VPS13B: variants seen among roughly 807,000 people sequenced by gnomAD.
VPS13B encodes intermembrane lipid transfer protein VPS13B.
VPS13B carries 285 observed loss-of-function variants against 426.4 expected under a neutral mutation model. The observed-to-expected ratio is 0.67, with a 90% CI of 0.61 to 0.74. VPS13B has a LOEUF of 0.74. VPS13B is among the 30% of genes least tolerant of loss of function. The probability of loss-of-function intolerance (pLI) is 0.00; values close to 1 mark genes in which losing one functional copy is unlikely to be tolerated. For missense variants in VPS13B, 4,537 were observed against 4,782.6 expected, an observed-to-expected ratio of 0.95 and a Z score of 1.51; for synonymous variants, 1,676 against 1,676.4, an observed-to-expected ratio of 1.00 and a Z score of 0.01.
At chr8:99,480,835 T>C (rs769435302) in intron 24 of VPS13B, among the ~76,000 whole-genome samples, 53 of 152,318 alleles carry the variant, frequency 3.5e-4, no homozygotes, top group Non-Finnish European at 6.8e-4. Context: ...TTTTTTAAAA[T>C]GGCAAGCAGA....
chr8:99,339,026 A>C (rs1312989038), intron 19 of VPS13B, among the ~76,000 whole-genome samples: 1 of 152,190 alleles, frequency 6.6e-6, no homozygotes, highest in African/African-American at 2.4e-5. Context: ...TCAGAGTTGG[A>C]CACTATTCTA....
At chr8:99,633,704 C>G (rs1032965545) in intron 33 of VPS13B, among the ~76,000 whole-genome samples, 2 of 151,760 alleles carry the variant, frequency 1.3e-5, no homozygotes, top group African/African-American at 4.8e-5. Flanking sequence ...CACACAGTAG[C>G]CACTTTGTAA....
intron 17 of VPS13B, chr8:99,233,605 C>G: frequency 8.4e-7 from 1 of 1,197,498 alleles, no homozygotes; most frequent in Admixed American, 1.7e-5. Context: ...TTTCAAAGGC[C>G]TCACGCAGCT....
At chr8:99,638,733 C>T (rs1344686478) in intron 33 of VPS13B, among the ~76,000 whole-genome samples, 4 of 152,104 alleles carry the variant, frequency 2.6e-5, no homozygotes, top group Non-Finnish European at 5.9e-5. Context: ...GTATGCAGAT[C>T]AGGAAAGACA....
intron 35 of VPS13B, among the ~76,000 whole-genome samples, chr8:99,692,339 C>G (rs2130096601): frequency 7.2e-6 from 1 of 138,646 alleles, no homozygotes; most frequent in South Asian, 2.6e-4. Flanking sequence ...TTATAACAAA[C>G]TATCTCTCAG....
chr8:99,616,050 G>A (rs1469302030), intron 33 of VPS13B, among the ~76,000 whole-genome samples: 8 of 152,078 alleles, frequency 5.3e-5, no homozygotes, highest in Non-Finnish European at 1.0e-4. Context: ...CAGTAGGTCT[G>A]GAGAAGGCCC....
chr8:99,383,650 C>T (rs1327348993), intron 19 of VPS13B, among the ~76,000 whole-genome samples: 2 of 152,120 alleles, frequency 1.3e-5, no homozygotes, highest in Non-Finnish European at 2.9e-5. Context: ...CTGGTAACCA[C>T]AAATCTACTT....
chr8:99,464,277 A>G (rs535664945), intron 23 of VPS13B, among the ~76,000 whole-genome samples: 28 of 152,300 alleles, frequency 1.8e-4, no homozygotes, highest in African/African-American at 6.5e-4. Context: ...AAACAAAGAA[A>G]ACTGAGGAAA....
In VPS13B at chr8:99,684,717, C is replaced by A. The variant is rs568307054; in HGVS notation, c.6047-14808C>A. ...ATTCAGTGGAAGAGACAGGTTCCAT[C>A]ATTCCTAGAACTCTGAAATAATTTT... On this transcript the variant is annotated intron_variant, in intron 35 of 61. Transcript: ENST00000357162. 2.6e-5 allele frequency among the ~76,000 whole-genome samples: 4 copies of A among 152,346 alleles called. No homozygotes were observed. In the East Asian group the frequency reaches 7.7e-4, roughly 29 times the overall value.
At chr8:99,205,009 A>G (rs1814607706) in intron 17 of VPS13B, among the ~76,000 whole-genome samples, 1 of 152,262 alleles carries the variant, frequency 6.6e-6, no homozygotes, top group Non-Finnish European at 1.5e-5. Context: ...TACTGGGTAT[A>G]TACCCAAAGG....
chr8:99,099,684 A>G (rs6468665), intron 4 of VPS13B, among the ~76,000 whole-genome samples: 125,670 of 152,130 alleles, frequency 0.83, 52,424 homozygotes, highest in South Asian at 0.89. Flanking sequence ...TGGAGAAGAC[A>G]ATATAAGGCA....
chr8:99,396,483 G>A (rs1420060590), intron 21 of VPS13B, among the ~76,000 whole-genome samples: 1 of 152,120 alleles, frequency 6.6e-6, no homozygotes, highest in East Asian at 1.9e-4. Context: ...GGCACTTTGC[G>A]ATTATTTCCT....
chr8:99,825,787 T>G lies in VPS13B; in HGVS notation c.9330+1809T>G, dbSNP rs553946560. On this transcript the variant is annotated intron_variant, in intron 51 of 61. Coordinates refer to ENST00000357162, the MANE Select transcript of VPS13B (RefSeq NM_152564.5). ...GGATCCAGTTTCAGTTTTCTGCATA[T>G]GGCTAGCGAGTTTTCCCAACACCAT... is the stretch of plus-strand genomic sequence containing the variant. 7.2e-5 allele frequency among the ~76,000 whole-genome samples: 11 copies of G among 152,368 alleles called. No homozygotes were observed. In the South Asian group the frequency reaches 2.3e-3, roughly 32 times the overall value.
chr8:99,350,089 G>A (rs927421904), intron 19 of VPS13B, among the ~76,000 whole-genome samples: 8 of 152,176 alleles, frequency 5.3e-5, no homozygotes, highest in Non-Finnish European at 8.8e-5. Context: ...AATAAGTGAA[G>A]TTTGAGATTA....
intron 33 of VPS13B, among the ~76,000 whole-genome samples, chr8:99,620,166 G>A (rs1267884856): frequency 6.6e-6 from 1 of 151,846 alleles, no homozygotes; most frequent in Non-Finnish European, 1.5e-5. Context: ...TTTTCGTGAT[G>A]ACATTGAAAA....
chr8:99,593,144 A>C (rs1826780184), intron 33 of VPS13B, among the ~76,000 whole-genome samples: 1 of 152,132 alleles, frequency 6.6e-6, no homozygotes, highest in South Asian at 2.1e-4. Flanking sequence ...AAATGGGAGA[A>C]AAATTTTGCA....
intron 33 of VPS13B, among the ~76,000 whole-genome samples, chr8:99,593,187 A>T (rs1826782655): frequency 6.6e-6 from 1 of 152,116 alleles, no homozygotes; most frequent in African/African-American, 2.4e-5. Flanking sequence ...TAATATCCAG[A>T]GTCTACAAGG....
At chr8:99,821,159 CACACA>C (rs1814341985) in intron 49 of VPS13B, 130 bp from the exon 50 acceptor site, 2 of 643,748 alleles carry the variant, frequency 3.1e-6, no homozygotes, top group South Asian at 1.8e-5. Context: ...CACACACACA[CACACA>C]CACCATGGAG....
chr8:99,291,751 G>T (rs1441734890), intron 19 of VPS13B, among the ~76,000 whole-genome samples: 1 of 152,134 alleles, frequency 6.6e-6, no homozygotes, highest in Non-Finnish European at 1.5e-5. Context: ...TAAGCCTTGA[G>T]TGATAAAGGA....
Sources: allele counts gnomAD v4.1 joint callset (sites outside exome capture counted in the v4.1 genomes callset), GRCh38; gene constraint gnomAD v4.1.1; transcripts MANE v1.5; gene names NCBI Gene and HGNC (gene_info 2026-07-23, HGNC 2026-07-21).